PRCC: variants seen among roughly 807,000 people sequenced by gnomAD.
The protein encoded by PRCC is proline rich mitotic checkpoint control factor, also known as proline-rich protein PRCC.
A neutral mutation model predicts 44.0 loss-of-function variants in PRCC; 10 were observed. The observed-to-expected ratio is 0.23, with a 90% CI of 0.14 to 0.39. The LOEUF (loss-of-function observed/expected upper bound fraction) is 0.39. PRCC is among the 10% of genes least tolerant of loss of function. The pLI, the probability that PRCC is intolerant of heterozygous loss-of-function variation, is 1.00. For missense variants in PRCC, 573 were observed against 624.7 expected, an observed-to-expected ratio of 0.92 and a Z score of 0.88; for synonymous variants, 278 against 259.5, an observed-to-expected ratio of 1.07 and a Z score of -0.69.
chr1:156,774,791 A>C (rs188854228), intron 1 of PRCC, among the ~76,000 whole-genome samples: 4 of 151,868 alleles, frequency 2.6e-5, no homozygotes, highest in Admixed American at 2.6e-4. Context: ...ATCTCTACTA[A>C]AAATATAAAA....
chr1:156,779,130 T>A (rs372910232), intron 1 of PRCC, among the ~76,000 whole-genome samples: 518 of 15,196 alleles, frequency 0.034, 1 homozygote, highest in Middle Eastern at 0.17. Context: ...ATATATATAT[T>A]TTTTTTTTTT....
chr1:156,792,790 A>G (rs530642201), intron 4 of PRCC, among the ~76,000 whole-genome samples: 7 of 152,236 alleles, frequency 4.6e-5, no homozygotes, highest in Non-Finnish European at 1.0e-4. Context: ...TAGGAAATGT[A>G]ATGTTTTATT....
chr1:156,785,894 C>T (rs1363191949), intron 2 of PRCC, among the ~76,000 whole-genome samples: 2 of 151,488 alleles, frequency 1.3e-5, no homozygotes, highest in Admixed American at 6.6e-5. Flanking sequence ...TCACTGCAAC[C>T]TCCGCTTCCT....
At chr1:156,791,559 G>A in intron 3 of PRCC, 138 bp from the exon 4 acceptor site, 3 of 718,036 alleles carry the variant, frequency 4.2e-6, no homozygotes, top group Non-Finnish European at 6.8e-6. Flanking sequence ...CCTTTAACTG[G>A]TCTGTTTGAG....
intron 2 of PRCC, among the ~76,000 whole-genome samples, chr1:156,783,686 C>T (rs967725065): frequency 1.3e-5 from 2 of 151,662 alleles, no homozygotes; most frequent in South Asian, 2.1e-4. Flanking sequence ...GTGGAAATTG[C>T]GGTGAGCTGA....
chr1:156,787,796 G>A (rs1652329668), intron 3 of PRCC, among the ~76,000 whole-genome samples: 1 of 150,300 alleles, frequency 6.7e-6, no homozygotes, highest in Non-Finnish European at 1.5e-5. Context: ...GACTACAGAT[G>A]TGTGCCACCC....
chr1:156,785,084 T>C (rs1485487195), intron 2 of PRCC, among the ~76,000 whole-genome samples: 1 of 152,180 alleles, frequency 6.6e-6, no homozygotes, highest in Non-Finnish European at 1.5e-5. Flanking sequence ...ATACTAAAAT[T>C]ACATATTTTT....
intron 3 of PRCC, chr1:156,791,310 G>A (rs1043014398): frequency 4.7e-5 from 26 of 552,966 alleles, no homozygotes; most frequent in Admixed American, 4.6e-4. Context: ...GTCCCTGCTC[G>A]CATCGTAGCT....
intron 3 of PRCC, 61 bp downstream of exon 3, chr1:156,787,235 T>G: frequency 6.6e-7 from 1 of 1,511,298 alleles, no homozygotes; most frequent in Non-Finnish European, 9.0e-7. Context: ...CAAGGAGAGC[T>G]TTGAGCTAGT....
chr1:156,778,290 A>G (rs915407121), intron 1 of PRCC, among the ~76,000 whole-genome samples: 2 of 152,108 alleles, frequency 1.3e-5, no homozygotes. Context: ...CTATTTGTCT[A>G]CTTTGTCTGC....
At position 156,767,580 on chromosome 1, in the gene PRCC, A is replaced by C. The variant is rs1297474596; in HGVS notation, c.-192A>C. The C allele has an allele frequency of 4.9e-6, 3 of 610,112 alleles. No homozygotes were observed. In the East Asian group the frequency reaches 8.6e-5, roughly 17 times the overall value. 37.8% of individuals were successfully genotyped at this position (610,112 alleles called of 1,614,324 possible). A position where few individuals can be genotyped will look rare whatever the true frequency, so the allele number is the denominator to read the frequency against. On this transcript the variant is annotated 5_prime_UTR_variant, in exon 1 of 7. Transcript: ENST00000271526. ...TGCCCGGGACTAGGAGCTTAAGTGA[A>C]GAGGTACGCCTTGTTCGGTGGAAAT...
chr1:156,792,091 G>A (rs1315840837), intron 4 of PRCC, among the ~76,000 whole-genome samples: 4 of 103,244 alleles, frequency 3.9e-5, no homozygotes, highest in Non-Finnish European at 4.2e-5. Context: ...TGGTAGAGAC[G>A]GGGTCTTGCT....
chr1:156,773,361 C>T (rs181444521), intron 1 of PRCC, among the ~76,000 whole-genome samples: 4 of 152,146 alleles, frequency 2.6e-5, no homozygotes, highest in East Asian at 3.9e-4. Context: ...TGTCTGTTTC[C>T]GTTCTTGCTC....
chr1:156,797,016 G>A (rs1652681440), intron 5 of PRCC: 1 of 447,076 alleles, frequency 2.2e-6, no homozygotes, highest in Non-Finnish European at 4.1e-6. Flanking sequence ...AGACAGTCCT[G>A]ACCTCAAAGC....
Position 156,768,035 on chromosome 1 carries a change from A to C in PRCC, c.264A>C (p.Gly88=). 1 of 1,572,906 alleles carries C rather than the reference A, an allele frequency of 6.4e-7. No homozygotes were observed. Among genetic ancestry groups the C allele is most frequent in the South Asian group, 1.2e-5 (1 of 86,352 alleles). ...QPPPPLPFGL[G]GFPPPPGVSP... ...CTCCCCCCTTGCCCTTCGGCCTGGGAGGCTTCCCCCCACCTCCAGGCGTGA... is the reference window on the plus strand; with the variant it reads ...CTCCCCCCTTGCCCTTCGGCCTGGGCGGCTTCCCCCCACCTCCAGGCGTGA... The change falls in exon 1 of 7, where the codon GGA becomes GGC. Residue 88 remains glycine (G), a synonymous_variant. Transcript: ENST00000271526.
intron 1 of PRCC, among the ~76,000 whole-genome samples, chr1:156,770,368 A>G (rs1476602950): frequency 1.3e-5 from 2 of 152,186 alleles, no homozygotes; most frequent in African/African-American, 4.8e-5. Flanking sequence ...AGGTGAGGGT[A>G]ACCTTTGTCT....
intron 1 of PRCC, among the ~76,000 whole-genome samples, chr1:156,775,471 C>G (rs562927514): frequency 1.3e-5 from 2 of 151,678 alleles, no homozygotes; most frequent in East Asian, 3.9e-4. Context: ...CTACCTCAGC[C>G]TTCTGAGTAG....
At chr1:156,792,135 A>G (rs1652508102) in intron 4 of PRCC, among the ~76,000 whole-genome samples, 1 of 139,018 alleles carries the variant, frequency 7.2e-6, no homozygotes, top group African/African-American at 2.7e-5. Flanking sequence ...TCCTGGGCTC[A>G]AGCATTCCTT....
intron 2 of PRCC, 98 bp from the exon 3 acceptor site, chr1:156,786,510 T>C: frequency 1.6e-6 from 2 of 1,270,768 alleles, no homozygotes; most frequent in Non-Finnish European, 2.2e-6. Flanking sequence ...GATTTTAGGC[T>C]AGAGAACTTA....
Sources: allele counts gnomAD v4.1 joint callset (sites outside exome capture counted in the v4.1 genomes callset), GRCh38; gene constraint gnomAD v4.1.1; transcripts MANE v1.5; gene names NCBI Gene and HGNC (gene_info 2026-07-23, HGNC 2026-07-21).